The following NCAPD3 variants were observed in gnomAD, a reference collection of about 807,000 sequenced individuals.
NCAPD3 encodes the protein non-SMC condensin II complex subunit D3.
Under a neutral mutation model 182.9 loss-of-function variants are expected in NCAPD3, and 105 were observed. The ratio of observed to expected loss-of-function variants is 0.57; its 90% CI spans 0.49 to 0.68. NCAPD3 has a LOEUF of 0.68. Ranked by LOEUF, NCAPD3 falls within the 30% of genes least tolerant of loss-of-function variation. The pLI is 0.00. For missense variants in NCAPD3, 1,944 were observed against 1,837.0 expected (o/e 1.06, Z -1.07); for synonymous variants, 815 against 679.9 (o/e 1.20, Z -3.09).
intron 27 of NCAPD3, among the ~76,000 whole-genome samples, chr11:134,165,044 C>T (rs1187127532): frequency 3.4e-5 from 5 of 148,920 alleles, no homozygotes; most frequent in Non-Finnish European, 4.4e-5. Flanking sequence ...AGAGGAGCTG[C>T]ACACACTTAG....
chr11:134,211,499 GA>G (rs1256335069), intron 3 of NCAPD3, among the ~76,000 whole-genome samples: 1 of 151,316 alleles, frequency 6.6e-6, no homozygotes, highest in African/African-American at 2.4e-5. Flanking sequence ...AATACAGGGG[GA>G]AAAAAAACAA....
chr11:134,217,897 G>A (rs1938084454), intron 2 of NCAPD3, among the ~76,000 whole-genome samples: 1 of 152,096 alleles, frequency 6.6e-6, no homozygotes, highest in Non-Finnish European at 1.5e-5. Flanking sequence ...CCAGGAGTTT[G>A]AGAACAGCCA....
At chr11:134,225,270 G>C (rs1317724622), upstream of NCAPD3, 2 of 1,614,128 alleles carry the variant, frequency 1.2e-6, no homozygotes, top group South Asian at 2.2e-5. Context: ...CTCCGGGAAG[G>C]TGAGCCTTGC....
In NCAPD3 at chr11:134,176,375, C is replaced by G. The variant is rs1475886299; in HGVS notation, c.3033G>C (p.Val1011=). ...LLTNLLQEEF[V]KWKGSLFFRF... is the part of the protein sequence containing the mutation. ...GGAAGAACAGGGAGCCCTTCCATTT[C>G]ACAAATTCCTCCTGTGCAGAGAGAA... Residue 1011 remains valine (V), a synonymous_variant, in exon 24 of 35, where the codon GTG becomes GTC. Coordinates refer to ENST00000534548, the MANE Select transcript of NCAPD3 (RefSeq NM_015261.3). The G allele has an allele frequency of 1.2e-6, 2 of 1,613,824 alleles. No homozygotes were observed. The highest frequency in any genetic ancestry group is 2.7e-5 in the African/African-American group (2 of 74,912).
chr11:134,182,708 CAG>C (rs1944323507), intron 19 of NCAPD3, among the ~76,000 whole-genome samples: 2 of 152,224 alleles, frequency 1.3e-5, no homozygotes, highest in South Asian at 2.1e-4. Context: ...AGTCACAAAA[CAG>C]ATAACAAAAA....
In NCAPD3 at chr11:134,202,870, C is replaced by T. The variant is rs768045090; in HGVS notation, c.1561G>A (p.Glu521Lys). The change falls in exon 13 of 35, where the codon GAA (glutamate) becomes AAA (lysine). Residue 521 changes from glutamate (E) to lysine (K), a missense_variant. By Grantham distance (56) the Glu-to-Lys change is moderately conservative. Around this residue, in one of 3 missense-constraint regions of NCAPD3, gnomAD observed 1,803 missense variants for 1,674.6 expected, o/e 1.08. Coordinates refer to ENST00000534548, the MANE Select transcript of NCAPD3 (RefSeq NM_015261.3). Reference protein sequence around the residue: ...SYQRQTSNRSEPSGEINIDSS... With the variant: ...SYQRQTSNRSKPSGEINIDSS... ...TCTATGTTGATCTCCCCTGAGGGTTCGGAACGGTTAGATGTCTGCCTTTGG... is the reference window on the plus strand; with the variant it reads ...TCTATGTTGATCTCCCCTGAGGGTTTGGAACGGTTAGATGTCTGCCTTTGG... 3.7e-5 allele frequency: 60 copies of T among 1,607,528 alleles called. No individual in the cohort carries two copies. The highest frequency in any genetic ancestry group is 4.7e-5 in the Non-Finnish European group (55 of 1,178,522).
chr11:134,181,976 A>G (rs983671538), intron 19 of NCAPD3, among the ~76,000 whole-genome samples: 2 of 152,206 alleles, frequency 1.3e-5, no homozygotes, highest in African/African-American at 2.4e-5. Flanking sequence ...CACCACTATG[A>G]GCAATGCTTT....
intron 27 of NCAPD3, among the ~76,000 whole-genome samples, chr11:134,162,662 G>T (rs993934388): frequency 2.6e-5 from 4 of 152,192 alleles, no homozygotes; most frequent in Admixed American, 1.3e-4. Flanking sequence ...AACAAGTAGA[G>T]AAATAAGCAA....
chr11:134,165,647 A>C (rs1180795427), intron 27 of NCAPD3, among the ~76,000 whole-genome samples: 1 of 140,558 alleles, frequency 7.1e-6, no homozygotes, highest in African/African-American at 2.7e-5. Context: ...GGAGGCCCAC[A>C]CTCGTGAGAT....
intron 20 of NCAPD3, among the ~76,000 whole-genome samples, 194 bp downstream of exon 20, chr11:134,180,883 C>T (rs917853274): frequency 2.0e-5 from 3 of 151,796 alleles, no homozygotes; most frequent in Middle Eastern, 3.4e-3. Flanking sequence ...GTTTCCCCAC[C>T]GATAAAAAGT....
intron 18 of NCAPD3, 55 bp downstream of exon 18, chr11:134,184,848 C>CACA (rs1944369620): frequency 1.5e-6 from 2 of 1,342,056 alleles, no homozygotes; most frequent in Non-Finnish European, 2.1e-6. Context: ...CACACACACA[C>CACA]ACCTGAAATG....
intron 32 of NCAPD3, 47 bp downstream of exon 32, chr11:134,156,971 G>T: frequency 6.7e-7 from 1 of 1,485,938 alleles, no homozygotes; most frequent in Non-Finnish European, 9.4e-7. Flanking sequence ...CATCACGAAT[G>T]CAGGAGAGAC....
At position 134,153,161 on chromosome 11, in the gene NCAPD3, CATAAG is replaced by C. The variant is rs1565512036; in HGVS notation, c.4362_4366del (p.Ile1454MetfsTer6). On this transcript the variant is annotated frameshift_variant, in exon 34 of 35. Transcript: ENST00000534548. LOFTEE classifies it low-confidence loss of function (END_TRUNC). ...TTACGGTTTATCAGGCAGTGATAAA[CATAAG>C]ATGTCATTTCCTTGACTCCGGCCTT... is the stretch of plus-strand genomic sequence containing the variant. The C allele has an allele frequency of 7.4e-6, 12 of 1,614,134 alleles. No homozygotes were observed. Among genetic ancestry groups the C allele is most frequent in the South Asian group, 1.1e-5 (1 of 91,082 alleles).
intron 27 of NCAPD3, 113 bp from the exon 28 acceptor site, chr11:134,162,004 T>C (rs1943596246): frequency 1.7e-6 from 1 of 587,846 alleles, no homozygotes; most frequent in Admixed American, 3.6e-5. Flanking sequence ...AAGTTTATTT[T>C]TGCTTTTCAT....
rs756458436 is a variant in NCAPD3 at position 134,209,334 on chromosome 11, T to C, written c.711A>G (p.Gln237=). 3.0e-5 allele frequency: 48 copies of C among 1,613,834 alleles called. No homozygotes were observed. Among genetic ancestry groups the C allele is most frequent in the Admixed American group, 1.0e-4 (6 of 59,940 alleles). ...TTACCTCTATACAATTCTGTACACA[T>C]TGTGGCTTTTCTTTCAAGGAAAACT... ...LPKFSLKEKP[Q]CVQNCIEVFV... is the part of the protein sequence containing the mutation. Residue 237 remains glutamine (Q), a synonymous_variant, in exon 5 of 35, where the codon CAA becomes CAG. Transcript: ENST00000534548.
At chr11:134,192,659 T>C (rs764593378) in intron 16 of NCAPD3, 30 bp downstream of exon 16, 11 of 1,578,374 alleles carry the variant, frequency 7.0e-6, no homozygotes, top group African/African-American at 2.7e-5. Flanking sequence ...CCTTCTTCTA[T>C]AGGGAACACA....
In NCAPD3 at chr11:134,223,903, A is replaced by T. The variant is rs372163804; in HGVS notation, c.24T>A (p.Gly8=). The stretch of plus-strand genomic sequence containing the variant: ...GCGGACACCAGGGCTGCAGGCCGCT[A>T]CCAAGGCCCCGCAACGCCACCATGA... MVALRGL[G]SGLQPWCPLD... Residue 8 remains glycine, a synonymous_variant, in exon 1 of 35, where the codon GGT becomes GGA. Transcript: ENST00000534548. The T allele has an allele frequency of 2.5e-6, 4 of 1,612,584 alleles. No individual in the cohort carries two copies. The highest frequency in any genetic ancestry group is 2.7e-5 in the African/African-American group (2 of 74,924).
chr11:134,159,321 G>T (rs1943514128), intron 29 of NCAPD3, among the ~76,000 whole-genome samples: 1 of 152,112 alleles, frequency 6.6e-6, no homozygotes, highest in Non-Finnish European at 1.5e-5. Flanking sequence ...CACTTTATTG[G>T]AATAGAATCT....
Position 134,158,447 on chromosome 11 carries a change from G to C in NCAPD3, c.3916C>G (p.Pro1306Ala), listed in dbSNP as rs758877192. The change falls in exon 30 of 35, where the codon CCT becomes GCT. Residue 1306 changes from proline (P) to alanine (A), a missense_variant. Coordinates refer to ENST00000534548, the MANE Select transcript of NCAPD3 (RefSeq NM_015261.3). Reference sequence around the variant, plus strand: ...TGGCTCACGGCAGGTGACATGGCAGGGTTTTCTTGGCCAGCAGGAACTGGC... The same window carrying C: ...TGGCTCACGGCAGGTGACATGGCAGCGTTTTCTTGGCCAGCAGGAACTGGC... ...TVPVPAGQEN[P>A]AMSPAVSQPC... The C allele has an allele frequency of 6.9e-5, 111 of 1,614,024 alleles. No homozygotes were observed. The highest frequency in any genetic ancestry group is 8.7e-5 in the Non-Finnish European group (103 of 1,180,044).
Sources: allele counts gnomAD v4.1 joint callset (sites outside exome capture counted in the v4.1 genomes callset), GRCh38; gene constraint gnomAD v4.1.1; regional missense constraint gnomAD v4.1.1; transcripts MANE v1.5; gene names NCBI Gene and HGNC (gene_info 2026-07-23, HGNC 2026-07-21).